Variants in AUTS2 observed in about 807,000 individuals in gnomAD.
The protein encoded by AUTS2 is autism susceptibility gene 2 protein.
In AUTS2, 17 loss-of-function variants were observed where a neutral mutation model predicts 112.4. That is an observed-to-expected ratio of 0.15 (90% CI 0.10 to 0.23). The LOEUF is 0.23. Ranked by LOEUF, AUTS2 falls within the 10% of genes least tolerant of loss-of-function variation. The pLI, the probability that AUTS2 is intolerant of heterozygous loss-of-function variation, is 1.00. For synonymous variants in AUTS2, 751 were observed against 702.7 expected (o/e 1.07, Z -1.09); for missense variants, 1,510 against 1,701.6 (o/e 0.89, Z 1.98).
At chr7:69,864,822 A>C (rs1451644783) in intron 1 of AUTS2, among the ~76,000 whole-genome samples, 1 of 152,200 alleles carries the variant, frequency 6.6e-6, no homozygotes, top group African/African-American at 2.4e-5. Flanking sequence ...AATAGATGGG[A>C]GTTGAGAATA....
intron 2 of AUTS2, among the ~76,000 whole-genome samples, chr7:70,002,606 A>G (rs1327718002): frequency 2.0e-5 from 3 of 152,178 alleles, no homozygotes; most frequent in South Asian, 2.1e-4. Context: ...TGAAAATCCA[A>G]CTGTGAAAAT....
At chr7:69,689,134 A>G (rs1473724515) in intron 1 of AUTS2, among the ~76,000 whole-genome samples, 1 of 151,952 alleles carries the variant, frequency 6.6e-6, no homozygotes, top group Non-Finnish European at 1.5e-5. Flanking sequence ...TCATTCAGCT[A>G]CCTTGAGGTC....
chr7:70,691,819 CA>C (rs1208559026), intron 5 of AUTS2, among the ~76,000 whole-genome samples: 1 of 151,184 alleles, frequency 6.6e-6, no homozygotes, highest in African/African-American at 2.4e-5. Flanking sequence ...TGGACACATG[CA>C]GATCTGGCTG....
At chr7:70,443,446 G>A (rs1245232960) in intron 5 of AUTS2, among the ~76,000 whole-genome samples, 1 of 152,158 alleles carries the variant, frequency 6.6e-6, no homozygotes, top group African/African-American at 2.4e-5. Context: ...TTTCCAAATA[G>A]CTATTTACCT....
intron 4 of AUTS2, among the ~76,000 whole-genome samples, chr7:70,314,278 C>A (rs1789894328): frequency 6.6e-6 from 1 of 152,238 alleles, no homozygotes; most frequent in African/African-American, 2.4e-5. Flanking sequence ...GAACACTAGG[C>A]AGCCCCCATT....
intron 1 of AUTS2, among the ~76,000 whole-genome samples, chr7:69,832,156 A>G (rs753969819): frequency 5.7e-4 from 86 of 152,076 alleles, no homozygotes; most frequent in Non-Finnish European, 1.6e-4. Context: ...TCCCCATAGC[A>G]ATGTTTTGAG....
At chr7:70,451,737 A>C (rs765949218) in intron 5 of AUTS2, among the ~76,000 whole-genome samples, 1 of 152,234 alleles carries the variant, frequency 6.6e-6, no homozygotes, top group East Asian at 1.9e-4. Flanking sequence ...TAATATCCCC[A>C]TGCCTTCTAG....
chr7:69,730,446 A>G (rs1341788640), intron 1 of AUTS2, among the ~76,000 whole-genome samples: 1 of 152,104 alleles, frequency 6.6e-6, no homozygotes, highest in Non-Finnish European at 1.5e-5. Context: ...AATCCATCTG[A>G]GTTTCTGTCG....
intron 1 of AUTS2, among the ~76,000 whole-genome samples, chr7:69,747,638 T>G (rs1206141930): frequency 6.6e-6 from 1 of 152,178 alleles, no homozygotes; most frequent in African/African-American, 2.4e-5. Flanking sequence ...CAAATTCAGT[T>G]CTTTCTGGCT....
At chr7:70,617,117 TG>T (rs1804413220) in intron 5 of AUTS2, among the ~76,000 whole-genome samples, 1 of 152,176 alleles carries the variant, frequency 6.6e-6, no homozygotes, top group South Asian at 2.1e-4. Context: ...AGTGGCTCAG[TG>T]GGGTAAGGGC....
At chr7:70,187,055 C>T (rs1294789445) in intron 4 of AUTS2, among the ~76,000 whole-genome samples, 2 of 152,202 alleles carry the variant, frequency 1.3e-5, no homozygotes, top group Non-Finnish European at 2.9e-5. Context: ...AATCCATGCT[C>T]TTCTATGCAC....
chr7:69,604,472 A>G lies in AUTS2; in HGVS notation c.309+4510A>G, dbSNP rs1792602733. Among the ~76,000 whole-genome samples, 3 of 152,346 alleles carry G rather than the reference A, an allele frequency of 2.0e-5. No homozygotes were observed. The South Asian group carries it at 6.2e-4, about 32-fold the overall frequency. On this transcript the variant is annotated intron_variant, in intron 1 of 18. Coordinates refer to ENST00000342771, the MANE Select transcript of AUTS2 (RefSeq NM_015570.4). ...CCTATGAAATAATTTTGAAACAGGT[A>G]CTTGAATGCCTGATATCAACTAAGC...
intron 2 of AUTS2, among the ~76,000 whole-genome samples, chr7:70,036,520 G>A (rs1026861809): frequency 6.6e-6 from 1 of 152,222 alleles, no homozygotes; most frequent in Non-Finnish European, 1.5e-5. Context: ...TGGTTTCCTA[G>A]TTTCCCACCT....
chr7:70,491,350 A>C (rs1374580435), intron 5 of AUTS2, among the ~76,000 whole-genome samples: 1 of 151,286 alleles, frequency 6.6e-6, no homozygotes, highest in Non-Finnish European at 1.5e-5. Context: ...CCATAAAATG[A>C]GGGAAATGAG....
intron 1 of AUTS2, among the ~76,000 whole-genome samples, chr7:69,722,650 A>T (rs1384625434): frequency 6.6e-6 from 1 of 152,130 alleles, no homozygotes. Flanking sequence ...CTTACAGGTT[A>T]AGCAGCTATG....
chr7:70,470,126 T>C (rs900670733), intron 5 of AUTS2, among the ~76,000 whole-genome samples: 1 of 152,238 alleles, frequency 6.6e-6, no homozygotes, highest in Non-Finnish European at 1.5e-5. Flanking sequence ...ACTAACAGTA[T>C]TAAATGGTAT....
At chr7:69,694,987 C>T (rs1026100199) in intron 1 of AUTS2, among the ~76,000 whole-genome samples, 3 of 152,104 alleles carry the variant, frequency 2.0e-5, no homozygotes, top group African/African-American at 7.2e-5. Context: ...TGGGAGAGAA[C>T]GTGGTAACCT....
intron 5 of AUTS2, among the ~76,000 whole-genome samples, chr7:70,616,753 GTT>G (rs67691820): frequency 1.5e-3 from 191 of 131,246 alleles, no homozygotes; most frequent in African/African-American, 5.0e-3. Context: ...GTGTCGAATA[GTT>G]TTTTTTTTTT....
intron 1 of AUTS2, among the ~76,000 whole-genome samples, chr7:69,646,949 G>C (rs532701459): frequency 6.6e-6 from 1 of 152,010 alleles, no homozygotes; most frequent in Non-Finnish European, 1.5e-5. Flanking sequence ...TTAGCCGCGC[G>C]TAGTGGCGGG....
Sources: allele counts gnomAD v4.1 joint callset (sites outside exome capture counted in the v4.1 genomes callset), GRCh38; gene constraint gnomAD v4.1.1; transcripts MANE v1.5; gene names NCBI Gene and HGNC (gene_info 2026-07-23, HGNC 2026-07-21).